The following LINGO2 variants were observed in gnomAD, a reference collection of about 807,000 sequenced individuals.
LINGO2 encodes the protein leucine rich repeat and Ig domain containing 2, also known as leucine-rich repeat and immunoglobulin-like domain-containing nogo receptor-interacting protein 2.
A neutral mutation model predicts 30.6 loss-of-function variants in LINGO2; 14 were observed. The ratio of observed to expected loss-of-function variants is 0.46; its 90% CI spans 0.30 to 0.72. The LOEUF (loss-of-function observed/expected upper bound fraction) is 0.72. Among genes scored for constraint, LINGO2 ranks in the 30% least tolerant of loss-of-function variants. The probability of loss-of-function intolerance (pLI) is 0.07; values close to 1 mark genes in which losing one functional copy is unlikely to be tolerated. For missense variants in LINGO2, 729 were observed against 751.7 expected (o/e 0.97, Z 0.35); for synonymous variants, 317 against 288.5 (o/e 1.10, Z -1.00).
chr9:29,112,702 C>T, the LINGO2 span, among the ~76,000 whole-genome samples: 1 of 152,294 alleles, frequency 6.6e-6, no homozygotes, highest in East Asian at 1.9e-4. Context: ...TAATAATCCC[C>T]ATCTCCACAG....
chr9:28,057,592 CAT>C (rs1158416501), intron 4 of LINGO2, among the ~76,000 whole-genome samples: 6 of 145,602 alleles, frequency 4.1e-5, no homozygotes, highest in South Asian at 2.2e-4. Flanking sequence ...TATGTATATA[CAT>C]ATATATACAC....
intron 4 of LINGO2, among the ~76,000 whole-genome samples, chr9:28,104,000 T>C (rs916550521): frequency 6.6e-6 from 1 of 152,104 alleles, no homozygotes; most frequent in Non-Finnish European, 1.5e-5. Flanking sequence ...GTGCTTTTAA[T>C]AGCTACCCAC....
At chr9:28,410,174 AGGAAAGGAAAG>A (rs1180485643) in intron 2 of LINGO2, among the ~76,000 whole-genome samples, 1 of 149,318 alleles carries the variant, frequency 6.7e-6, no homozygotes, top group South Asian at 2.3e-4. Context: ...AAAGAGAAAG[AGGAAAGGAAAG>A]GGAAAGGAAA....
chr9:28,747,133 T>A, the LINGO2 span, among the ~76,000 whole-genome samples: 1 of 151,714 alleles, frequency 6.6e-6, no homozygotes, highest in Non-Finnish European at 1.5e-5. Flanking sequence ...CCTGTACCCA[T>A]ATAAACCCCA....
intron 4 of LINGO2, among the ~76,000 whole-genome samples, chr9:28,185,950 C>T (rs768909034): frequency 4.1e-4 from 62 of 152,168 alleles, no homozygotes; most frequent in East Asian, 1.7e-3. Context: ...AAGTTTTCAT[C>T]ACTAAAAAAT....
chr9:29,028,638 A>G, the LINGO2 span, among the ~76,000 whole-genome samples: 2 of 152,144 alleles, frequency 1.3e-5, no homozygotes, highest in African/African-American at 4.8e-5. Context: ...TGGTTTGCCT[A>G]TTTTGAACCT....
the LINGO2 span, among the ~76,000 whole-genome samples, chr9:28,794,165 G>A: frequency 2.7e-4 from 41 of 152,228 alleles, no homozygotes; most frequent in African/African-American, 8.7e-4. Flanking sequence ...TTAGCCGGGC[G>A]TGGCGGCGGG....
At chr9:28,995,511 C>T in the LINGO2 span, among the ~76,000 whole-genome samples, 3 of 152,146 alleles carry the variant, frequency 2.0e-5, no homozygotes, top group African/African-American at 7.2e-5. Flanking sequence ...CCAGCCATCC[C>T]ATTACTGGGT....
At chr9:28,638,634 T>C (rs1827408756) in intron 1 of LINGO2, among the ~76,000 whole-genome samples, 1 of 152,154 alleles carries the variant, frequency 6.6e-6, no homozygotes, top group Non-Finnish European at 1.5e-5. Context: ...TCTCTGATGG[T>C]AGTTTGTATT....
chr9:28,585,702 T>C (rs1824499567), intron 1 of LINGO2, among the ~76,000 whole-genome samples: 1 of 151,994 alleles, frequency 6.6e-6, no homozygotes, highest in Non-Finnish European at 1.5e-5. Context: ...TTAGGATGAG[T>C]TGATCAGGAA....
chr9:28,442,210 C>A (rs1320673605), intron 2 of LINGO2, among the ~76,000 whole-genome samples: 3 of 151,552 alleles, frequency 2.0e-5, no homozygotes, highest in Admixed American at 1.3e-4. Context: ...TTTATTTCTT[C>A]TTTAAGGATA....
intron 1 of LINGO2, among the ~76,000 whole-genome samples, chr9:28,629,212 C>A (rs12338472): frequency 0.38 from 57,731 of 151,678 alleles, 12,242 homozygotes; most frequent in African/African-American, 0.55. Flanking sequence ...GGTGATGTGC[C>A]GCTCCTGCTC....
At chr9:28,765,896 C>CAATA in the LINGO2 span, among the ~76,000 whole-genome samples, 3 of 151,666 alleles carry the variant, frequency 2.0e-5, no homozygotes, top group South Asian at 4.2e-4. Flanking sequence ...TTTCCACATG[C>CAATA]AATAAATAAA....
At chr9:28,622,194 A>G (rs1207600592) in intron 1 of LINGO2, among the ~76,000 whole-genome samples, 1 of 151,902 alleles carries the variant, frequency 6.6e-6, no homozygotes, top group Admixed American at 6.6e-5. Context: ...CTACAATTAA[A>G]CTATTATTGA....
chr9:29,142,197 AC>A, the LINGO2 span, among the ~76,000 whole-genome samples: 822 of 152,022 alleles, frequency 5.4e-3, 11 homozygotes, highest in African/African-American at 0.019. Context: ...TTGAAATCAT[AC>A]CAAGTTTCTT....
chr9:28,043,837 AAAAC>A (rs1320492805), intron 4 of LINGO2, among the ~76,000 whole-genome samples: 4 of 152,346 alleles, frequency 2.6e-5, no homozygotes, highest in East Asian at 1.9e-4. Flanking sequence ...TGATAGCTAC[AAAAC>A]AAACAATAAT....
intron 4 of LINGO2, among the ~76,000 whole-genome samples, chr9:28,180,590 T>A (rs1433558157): frequency 6.6e-6 from 1 of 152,156 alleles, no homozygotes; most frequent in Non-Finnish European, 1.5e-5. Flanking sequence ...CTTCACTTTA[T>A]CCTCACTCAG....
At chr9:28,010,092 G>C (rs1353763896) in intron 5 of LINGO2, among the ~76,000 whole-genome samples, 1 of 151,780 alleles carries the variant, frequency 6.6e-6, no homozygotes, top group Non-Finnish European at 1.5e-5. Context: ...GATGAATCTT[G>C]ATATCATTAC....
the LINGO2 span, among the ~76,000 whole-genome samples, chr9:29,202,104 T>C: frequency 6.6e-6 from 1 of 152,002 alleles, no homozygotes; most frequent in Non-Finnish European, 1.5e-5. Flanking sequence ...AAGATATTTT[T>C]AATGGTAATA....
Sources: gnomAD v4.1 joint callset for allele counts (sites outside exome capture counted in the v4.1 genomes callset) on GRCh38, gnomAD v4.1.1 for gene constraint, MANE v1.5 for transcripts, NCBI Gene and HGNC (gene_info 2026-07-23, HGNC 2026-07-21) for gene names.